The following C2CD3 variants were observed in gnomAD, a reference collection of about 807,000 sequenced individuals.
C2CD3 encodes the protein C2 domain containing 3 centriole elongation regulator, also known as C2 domain-containing protein 3.
A neutral mutation model predicts 234.0 loss-of-function variants in C2CD3; 148 were observed. The observed-to-expected ratio is 0.63, with a 90% confidence interval of 0.55 to 0.72. The LOEUF is 0.72. Among genes scored for constraint, C2CD3 ranks in the 30% least tolerant of loss-of-function variants. The pLI, the probability that C2CD3 is intolerant of heterozygous loss-of-function variation, is 0.00. For missense variants in C2CD3, 2,577 were observed against 2,811.5 expected (o/e 0.92, Z 1.89); for synonymous variants, 1,000 against 1,035.4 (o/e 0.97, Z 0.66).
At chr11:74,128,261 T>G (rs972177719) in intron 7 of C2CD3, among the ~76,000 whole-genome samples, 2 of 152,252 alleles carry the variant, frequency 1.3e-5, no homozygotes, top group African/African-American at 4.8e-5. Flanking sequence ...TTAAGTCATA[T>G]AAGTTATTTA....
intron 29 of C2CD3, among the ~76,000 whole-genome samples, chr11:74,038,249 C>T (rs1225957529): frequency 6.6e-6 from 1 of 152,192 alleles, no homozygotes; most frequent in Non-Finnish European, 1.5e-5. Flanking sequence ...CTGCACCCAG[C>T]ATAGTGCTTG....
At chr11:74,069,827 T>C (rs2135455189) in intron 24 of C2CD3, among the ~76,000 whole-genome samples, 1 of 152,334 alleles carries the variant, frequency 6.6e-6, no homozygotes, top group South Asian at 2.1e-4. Flanking sequence ...AATAAAAACT[T>C]AGCCCAGCAG....
chr11:74,042,052 A>T lies in C2CD3; in HGVS notation c.5660+2T>A. 1 of 1,613,888 alleles carries T rather than the reference A, an allele frequency of 6.2e-7. No homozygotes were observed. Among genetic ancestry groups the T allele is most frequent in the Non-Finnish European group, 8.5e-7 (1 of 1,179,812 alleles). On this transcript the variant is annotated splice_donor_variant, in intron 29 of 32. Transcript: ENST00000334126. LOFTEE classifies it high-confidence loss of function. ...CTGTGTCTTTTCTCAGTAGAGCCTC[A>T]CCTGAGAGAAGTCAGAATGGAGGTT...
In C2CD3 at chr11:74,139,808, A is replaced by G; in HGVS notation, c.504T>C (p.Pro168=). Residue 168 remains proline (P), a synonymous_variant, in exon 4 of 33, where the codon CCT becomes CCC. Transcript: ENST00000334126. ...GGTAGCTGTCGTAAGTTTCTGACAG[A>G]GGTTCCAGGGCAAGTGAGACCTAAG... ...GELQVSLALE[P]LSETYDSYHP... 1 of 1,612,118 alleles carries G rather than the reference A, an allele frequency of 6.2e-7. No individual in the cohort carries two copies. The highest frequency in any genetic ancestry group is 8.5e-7 in the Non-Finnish European group (1 of 1,178,218).
At chr11:74,015,155 C>A (rs1203508958) in intron 32 of C2CD3, among the ~76,000 whole-genome samples, 1 of 152,228 alleles carries the variant, frequency 6.6e-6, no homozygotes. Flanking sequence ...ACACTGGGTG[C>A]TCCTGCAGGG....
In C2CD3 at chr11:74,147,692, A is replaced by G. The variant is rs563921561; in HGVS notation, c.484-7864T>C. Among the ~76,000 whole-genome samples the G allele has an allele frequency of 3.3e-5, 5 of 152,354 alleles. No individual in the cohort carries two copies. The South Asian group carries it at 1.0e-3, about 32-fold the overall frequency. On this transcript the variant is annotated intron_variant, in intron 3 of 32. Coordinates refer to ENST00000334126, the MANE Select transcript of C2CD3 (RefSeq NM_001286577.2). ...AATCTGATGGCTTATCTGCAAGGGC[A>G]TTAACAAGGAACCATATTTCATTCA...
At chr11:74,100,194 T>G (rs1317526798) in intron 15 of C2CD3, among the ~76,000 whole-genome samples, 1 of 152,202 alleles carries the variant, frequency 6.6e-6, no homozygotes, top group African/African-American at 2.4e-5. Flanking sequence ...CCCTTCACTT[T>G]ATAATGTATG....
intron 3 of C2CD3, among the ~76,000 whole-genome samples, chr11:74,144,130 A>C (rs1854997835): frequency 6.6e-6 from 1 of 152,226 alleles, no homozygotes; most frequent in Non-Finnish European, 1.5e-5. Context: ...AGAGACATTA[A>C]TTTCAAAACA....
chr11:74,028,292 C>G lies in C2CD3; in HGVS notation c.6916G>C (p.Asp2306His). 1.3e-6 allele frequency: 2 copies of G among 1,534,792 alleles called. No homozygotes were observed. The highest frequency in any genetic ancestry group is 2.4e-5 in the South Asian group (2 of 84,014). Residue 2306 changes from aspartate (D) to histidine (H), a missense_variant, in exon 32 of 33, where the codon GAT becomes CAT. Physicochemically the swap from Asp to His is moderately conservative, Grantham distance 81 (BLOSUM62 -1). Transcript: ENST00000334126. Reference sequence around the variant, plus strand: ...TCAGTTGGCCATTCTCTTACCTGATCTGTTGTGGCTGCTGGTGGCAAAGTT... The same window carrying G: ...TCAGTTGGCCATTCTCTTACCTGATGTGTTGTGGCTGCTGGTGGCAAAGTT... Reference protein sequence around the residue: ...SATLPPAATTDQDKSEATRGA... With the variant: ...SATLPPAATTHQDKSEATRGA...
chr11:74,040,333 T>C (rs1340158578), intron 29 of C2CD3, among the ~76,000 whole-genome samples: 1 of 152,034 alleles, frequency 6.6e-6, no homozygotes, highest in Non-Finnish European at 1.5e-5. Context: ...AACCAGTGTC[T>C]GGTGCCAAAA....
At chr11:74,147,607 C>T (rs141649365) in intron 3 of C2CD3, among the ~76,000 whole-genome samples, 2 of 152,342 alleles carry the variant, frequency 1.3e-5, no homozygotes, top group Admixed American at 6.5e-5. Context: ...AGCCTCAGAT[C>T]ACTAGCACAG....
intron 22 of C2CD3, among the ~76,000 whole-genome samples, chr11:74,079,800 C>G (rs925090648): frequency 6.6e-6 from 1 of 151,984 alleles, no homozygotes; most frequent in Non-Finnish European, 1.5e-5. Flanking sequence ...TATCTGAAAC[C>G]TTTAAGGCCA....
intron 24 of C2CD3, among the ~76,000 whole-genome samples, chr11:74,068,781 C>T (rs1284816857): frequency 1.3e-5 from 2 of 152,078 alleles, no homozygotes. Context: ...TGGCACTACC[C>T]CCATCCCTCT....
intron 24 of C2CD3, among the ~76,000 whole-genome samples, chr11:74,066,811 C>G (rs987733626): frequency 6.6e-6 from 1 of 152,062 alleles, no homozygotes; most frequent in African/African-American, 2.4e-5. Flanking sequence ...ATGTCATAGA[C>G]CAAATTCTTT....
intron 1 of C2CD3, among the ~76,000 whole-genome samples, chr11:74,170,468 A>G (rs780100845): frequency 4.6e-5 from 7 of 152,138 alleles, no homozygotes; most frequent in Admixed American, 1.3e-4. Context: ...ATCAAAACCA[A>G]TCCCATCATT....
intron 29 of C2CD3, 78 bp downstream of exon 29, chr11:74,041,976 C>A (rs1223551016): frequency 2.5e-5 from 35 of 1,417,332 alleles, no homozygotes; most frequent in Non-Finnish European, 9.8e-6. Flanking sequence ...GATGGAAAAG[C>A]AGTAATGCAC....
chr11:74,096,951 C>T (rs1293109378), intron 16 of C2CD3, among the ~76,000 whole-genome samples: 8 of 151,924 alleles, frequency 5.3e-5, no homozygotes, highest in African/African-American at 1.7e-4. Flanking sequence ...TCGAGACCAG[C>T]CTGGCCTGGG....
At chr11:74,099,731 C>A (rs1458547726) in intron 15 of C2CD3, among the ~76,000 whole-genome samples, 1 of 151,886 alleles carries the variant, frequency 6.6e-6, no homozygotes, top group African/African-American at 2.4e-5. Context: ...CCCGTCTCTA[C>A]TAAAAATACA....
rs1207576975 is a variant in C2CD3, at chr11:74,033,464, T to C, written c.6696A>G (p.Leu2232=). 8 of 1,536,098 alleles carry C rather than the reference T, an allele frequency of 5.2e-6. No individual in the cohort carries two copies. The African/African-American group carries it at 8.2e-5, about 16-fold the overall frequency. The change falls in exon 31 of 33, where the codon CTA becomes CTG. Residue 2232 remains leucine (L), a synonymous_variant. Coordinates refer to ENST00000334126, the MANE Select transcript of C2CD3 (RefSeq NM_001286577.2). ...GGTTTTCCCTTCTGCTCTGGGAGGC[T>C]AGATTTAGCGGCAACTTCTTGAAGC... ...ADSFKKLPLN[L]ASQSRRENHK...
Sources: allele counts gnomAD v4.1 joint callset (sites outside exome capture counted in the v4.1 genomes callset), GRCh38; gene constraint gnomAD v4.1.1; transcripts MANE v1.5; gene names NCBI Gene and HGNC (gene_info 2026-07-23, HGNC 2026-07-21).